Variants in ATP6V1E2 observed in about 807,000 individuals in gnomAD.
The protein encoded by ATP6V1E2 is ATPase H+ transporting V1 subunit E2, also known as V-type proton ATPase subunit E 2.
For missense variants in ATP6V1E2, 308 were observed against 273.3 expected (o/e 1.13, Z -0.90); for synonymous variants, 121 against 104.2 (o/e 1.16, Z -0.98).
At chr2:46,533,628 T>A (rs1314422365) in intron 4 of ATP6V1E2, among the ~76,000 whole-genome samples, 1 of 152,230 alleles carries the variant, frequency 6.6e-6, no homozygotes, top group East Asian at 1.9e-4. Flanking sequence ...TGTCTCATAT[T>A]TACCCATATA....
At chr2:46,516,106 A>G (rs1283407881) in intron 4 of ATP6V1E2, among the ~76,000 whole-genome samples, 3 of 152,322 alleles carry the variant, frequency 2.0e-5, no homozygotes, top group African/African-American at 7.2e-5. Context: ...CTACTGTCAA[A>G]ATGGAGAGAA....
intron 4 of ATP6V1E2, among the ~76,000 whole-genome samples, chr2:46,528,858 G>C (rs1290819641): frequency 6.6e-6 from 1 of 152,242 alleles, no homozygotes; most frequent in African/African-American, 2.4e-5. Flanking sequence ...GTTTTGTAAA[G>C]TGAGAGAGAA....
At chr2:46,513,805 C>G (rs930746897) in intron 4 of ATP6V1E2, among the ~76,000 whole-genome samples, 22 of 151,944 alleles carry the variant, frequency 1.4e-4, no homozygotes, top group African/African-American at 5.3e-4. Flanking sequence ...AGCCTGATGA[C>G]ACAGCAAGAC....
chr2:46,534,855 G>A (rs1385298802), intron 4 of ATP6V1E2: 11 of 152,194 alleles, frequency 7.2e-5, no homozygotes, highest in Admixed American at 7.2e-4. Flanking sequence ...ACATTGCCCA[G>A]TGAGCCCTGG....
chr2:46,526,620 T>C (rs1007643066), intron 4 of ATP6V1E2, among the ~76,000 whole-genome samples: 3 of 152,242 alleles, frequency 2.0e-5, no homozygotes, highest in Non-Finnish European at 4.4e-5. Flanking sequence ...GTACCTCATA[T>C]AAATAGAATC....
At chr2:46,528,767 T>G (rs1281728241) in intron 4 of ATP6V1E2, among the ~76,000 whole-genome samples, 1 of 152,264 alleles carries the variant, frequency 6.6e-6, no homozygotes, top group Non-Finnish European at 1.5e-5. Context: ...AAACTACTTC[T>G]GTAAAACCAG....
intron 4 of ATP6V1E2, among the ~76,000 whole-genome samples, chr2:46,527,422 C>T (rs1047787511): frequency 1.3e-5 from 2 of 152,142 alleles, no homozygotes; most frequent in African/African-American, 2.4e-5. Context: ...AGGGTTTCAC[C>T]ATGTTAGCCA....
chr2:46,531,620 T>A (rs764020222), intron 4 of ATP6V1E2, among the ~76,000 whole-genome samples: 3 of 152,206 alleles, frequency 2.0e-5, no homozygotes, highest in Non-Finnish European at 4.4e-5. Flanking sequence ...TTTCCAGAGG[T>A]TGAACCATTT....
intron 2 of ATP6V1E2, among the ~76,000 whole-genome samples, chr2:46,538,490 T>C (rs1433139383): frequency 1.4e-5 from 2 of 139,148 alleles, no homozygotes; most frequent in African/African-American, 5.2e-5. Context: ...CCCTACTCAC[T>C]GGGCAAAAAA....
intron 4 of ATP6V1E2, among the ~76,000 whole-genome samples, chr2:46,532,781 G>C (rs1213333490): frequency 6.6e-6 from 1 of 152,130 alleles, no homozygotes; most frequent in Non-Finnish European, 1.5e-5. Flanking sequence ...CTGATTCCTT[G>C]ATCTTAGACT....
At chr2:46,518,262 G>A (rs190227589) in intron 4 of ATP6V1E2, among the ~76,000 whole-genome samples, 2 of 152,066 alleles carry the variant, frequency 1.3e-5, no homozygotes, top group Admixed American at 6.6e-5. Flanking sequence ...ATTAAATACT[G>A]CATGATTCCA....
chr2:46,542,068 G>A (rs563224424), intron 1 of ATP6V1E2, 149 bp downstream of exon 1: 1 of 152,226 alleles, frequency 6.6e-6, no homozygotes, highest in South Asian at 2.1e-4. Context: ...TTAGTTACCG[G>A]TTTCATAGTA....
At chr2:46,525,461 C>CAAAAA (rs57428249) in intron 4 of ATP6V1E2, among the ~76,000 whole-genome samples, 6,315 of 56,044 alleles carry the variant, frequency 0.11, 545 homozygotes, top group Non-Finnish European at 0.15. Context: ...GACTCCGTCT[C>CAAAAA]AAAAAAAAAA....
At chr2:46,520,798 A>G (rs1304460999) in intron 4 of ATP6V1E2, among the ~76,000 whole-genome samples, 1 of 152,060 alleles carries the variant, frequency 6.6e-6, no homozygotes, top group Non-Finnish European at 1.5e-5. Context: ...GGGTGCAGAT[A>G]GGTGTTCATT....
rs79577871 is a variant in ATP6V1E2 at position 46,517,282 on chromosome 2, T to A, written c.-101-4470A>T. Among the ~76,000 whole-genome samples, 193 of 152,250 alleles carry A rather than the reference T, an allele frequency of 1.3e-3. 3 individuals carry two copies. In the East Asian group the frequency reaches 0.034, roughly 27 times the overall value. On this transcript the variant is annotated intron_variant, in intron 4 of 4. Transcript: ENST00000522587. ...GTGTTGGGAAAACTAGATATCCACATGCAAAAGAATGAAATTGGACCCTTA... is the reference window on the plus strand; with the variant it reads ...GTGTTGGGAAAACTAGATATCCACAAGCAAAAGAATGAAATTGGACCCTTA...
At chr2:46,524,928 C>T (rs1433591785) in intron 4 of ATP6V1E2, among the ~76,000 whole-genome samples, 1 of 152,134 alleles carries the variant, frequency 6.6e-6, no homozygotes, top group African/African-American at 2.4e-5. Flanking sequence ...CCATCAAAGG[C>T]TTCTTAGCAG....
chr2:46,524,806 GT>G (rs1331764682), intron 4 of ATP6V1E2, among the ~76,000 whole-genome samples: 2 of 152,208 alleles, frequency 1.3e-5, no homozygotes, highest in Admixed American at 1.3e-4. Flanking sequence ...GAGCAGGTGG[GT>G]TTGGCAGTAG....
chr2:46,541,088 AC>A (rs1196855908), intron 2 of ATP6V1E2, among the ~76,000 whole-genome samples: 2 of 152,042 alleles, frequency 1.3e-5, no homozygotes, highest in Non-Finnish European at 2.9e-5. Context: ...TCCTGGATAG[AC>A]CCTCCTTTCA....
chr2:46,512,933 A>T, intron 4 of ATP6V1E2, 121 bp from the exon 5 acceptor site: 1 of 505,584 alleles, frequency 2.0e-6, no homozygotes, highest in South Asian at 2.7e-5. Context: ...AAGGAACACA[A>T]TTTATCTAAG....
Sources: gnomAD v4.1 joint callset for allele counts (sites outside exome capture counted in the v4.1 genomes callset) on GRCh38, gnomAD v4.1.1 for gene constraint, MANE v1.5 for transcripts, NCBI Gene and HGNC (gene_info 2026-07-23, HGNC 2026-07-21) for gene names.